UGGT1: variants seen among roughly 807,000 people sequenced by gnomAD.
UGGT1 encodes UDP-glucose:glycoprotein glucosyltransferase 1.
UGGT1 carries 107 observed loss-of-function variants against 203.9 expected under a neutral mutation model. That is an observed-to-expected ratio of 0.52 (90% CI 0.45 to 0.62). The LOEUF (loss-of-function observed/expected upper bound fraction) is 0.62, where lower values mean the gene tolerates loss of function less well. UGGT1 is among the 20% of genes least tolerant of loss of function. The pLI, the probability that UGGT1 is intolerant of heterozygous loss-of-function variation, is 0.00. For synonymous variants in UGGT1, 628 were observed against 653.5 expected, an observed-to-expected ratio of 0.96 and a Z score of 0.59; for missense variants, 1,673 against 1,867.2, an observed-to-expected ratio of 0.90 and a Z score of 1.92.
intron 31 of UGGT1, 30 bp from the exon 32 acceptor site, chr2:128,176,784 T>TTA: frequency 6.3e-7 from 1 of 1,597,084 alleles, no homozygotes; most frequent in Non-Finnish European, 8.6e-7. Flanking sequence ...AATTGTGCCT[T>TTA]GTAATATTGA....
chr2:128,167,014 A>C (rs1488380192), intron 26 of UGGT1, among the ~76,000 whole-genome samples: 1 of 152,110 alleles, frequency 6.6e-6, no homozygotes, highest in Non-Finnish European at 1.5e-5. Context: ...TGTGTGTCCT[A>C]ATTTTTTATG....
At chr2:128,091,440 C>T (rs749861456) in intron 1 of UGGT1, 25 bp downstream of exon 1, 2 of 1,569,644 alleles carry the variant, frequency 1.3e-6, no homozygotes, top group Non-Finnish European at 1.7e-6. Context: ...CGTGAGGAGG[C>T]CTCGTGGACA....
At chr2:128,173,977 AC>A (rs779780040) in intron 30 of UGGT1, 38 bp downstream of exon 30, 4 of 1,601,660 alleles carry the variant, frequency 2.5e-6, no homozygotes, top group East Asian at 2.2e-5. Flanking sequence ...TATTGTAGTT[AC>A]GTTAATTTGG....
rs1254439081 is a variant in UGGT1, at chr2:128,143,111, G to A, written c.1737G>A (p.Arg579=). The change falls in exon 17 of 41, where the codon AGG becomes AGA. Residue 579 remains arginine (R), a synonymous_variant. Coordinates refer to ENST00000259253, the MANE Select transcript of UGGT1 (RefSeq NM_020120.4). ...TTCTTCAGATCTATAACAAGGTGAGGACTGGAGAAAAAGTGAAAGTTGAAC... is the reference window on the plus strand; with the variant it reads ...TTCTTCAGATCTATAACAAGGTGAGAACTGGAGAAAAAGTGAAAGTTGAAC... The part of the protein sequence containing the change: ...QTLTHIYNKV[R]TGEKVKVEHV... 6.2e-7 allele frequency: 1 copy of A among 1,609,664 alleles called. No homozygotes were observed. The highest frequency in any genetic ancestry group is 8.5e-7 in the Non-Finnish European group (1 of 1,177,912).
intron 17 of UGGT1, among the ~76,000 whole-genome samples, chr2:128,144,787 A>C (rs73955946): frequency 6.6e-6 from 1 of 152,204 alleles, no homozygotes; most frequent in East Asian, 1.9e-4. Context: ...GACTCGGATT[A>C]GTTACCCAAT....
intron 13 of UGGT1, among the ~76,000 whole-genome samples, chr2:128,130,176 T>C (rs1178027308): frequency 6.6e-6 from 1 of 151,110 alleles, no homozygotes; most frequent in Non-Finnish European, 1.5e-5. Context: ...GCAGGAGAAT[T>C]GCTTCAACCT....
intron 15 of UGGT1, among the ~76,000 whole-genome samples, chr2:128,137,831 A>G (rs528990117): frequency 1.3e-5 from 2 of 152,342 alleles, no homozygotes; most frequent in Admixed American, 6.5e-5. Flanking sequence ...CCTTTGCCCC[A>G]GTATGTTCAG....
chr2:128,153,264 A>T (rs951810883), intron 19 of UGGT1, among the ~76,000 whole-genome samples: 1 of 152,222 alleles, frequency 6.6e-6, no homozygotes, highest in Non-Finnish European at 1.5e-5. Context: ...TTCTAGAGTC[A>T]GTCAGCCATA....
intron 26 of UGGT1, among the ~76,000 whole-genome samples, chr2:128,165,340 C>T (rs1690734924): frequency 6.6e-6 from 1 of 152,142 alleles, no homozygotes. Context: ...CTGCAGTGAG[C>T]CATGATCTCA....
chr2:128,133,000 T>G, intron 13 of UGGT1, 141 bp from the exon 14 acceptor site: 1 of 1,082,528 alleles, frequency 9.2e-7, no homozygotes, highest in Non-Finnish European at 1.3e-6. Flanking sequence ...AGCCACTCAC[T>G]GCAGCCAATC....
At position 128,129,011 on chromosome 2, in the gene UGGT1, T is replaced by C. The variant is rs1688748440; in HGVS notation, c.1227-18T>C. 1.3e-6 allele frequency: 2 copies of C among 1,540,852 alleles called. No individual in the cohort carries two copies. The highest frequency in any genetic ancestry group is 1.2e-5 in the South Asian group (1 of 80,590). Reference sequence around the variant, plus strand: ...GCTTTTTTTCCTAGTAAATATCTCTTTTTGTTTTTCCCCCCAGTCTGTTTG... The same window carrying C: ...GCTTTTTTTCCTAGTAAATATCTCTCTTTGTTTTTCCCCCCAGTCTGTTTG... On this transcript the variant is annotated intron_variant, in intron 12 of 40. Coordinates refer to ENST00000259253, the MANE Select transcript of UGGT1 (RefSeq NM_020120.4).
At chr2:128,177,985 T>A (rs1174343696) in intron 33 of UGGT1, 65 bp downstream of exon 33, 6 of 1,359,364 alleles carry the variant, frequency 4.4e-6, no homozygotes, top group Non-Finnish European at 5.0e-6. Flanking sequence ...CATCCATCCC[T>A]CCTTTTTGCA....
rs774381300 is a variant in UGGT1 at position 128,189,681 on chromosome 2, A to G, written c.4643-36A>G. Reference sequence around the variant, plus strand: ...CAGTGGTGTTTGTAATTTGAAGATCATCTGTTTTCTTTTCTGTGGTTCTCC... The same window carrying G: ...CAGTGGTGTTTGTAATTTGAAGATCGTCTGTTTTCTTTTCTGTGGTTCTCC... On this transcript the variant is annotated intron_variant, in intron 40 of 40. Coordinates refer to ENST00000259253, the MANE Select transcript of UGGT1 (RefSeq NM_020120.4). The G allele has an allele frequency of 2.1e-5, 34 of 1,602,528 alleles. 1 individual carries two copies. In the South Asian group the frequency reaches 3.5e-4, roughly 16 times the overall value.
At chr2:128,123,041 A>AT (rs1688454523) in intron 10 of UGGT1, 145 bp from the exon 11 acceptor site, 2 of 550,672 alleles carry the variant, frequency 3.6e-6, no homozygotes, top group South Asian at 3.2e-5. Context: ...GGAGAAATAT[A>AT]TTTATCAATT....
intron 38 of UGGT1, 30 bp from the exon 39 acceptor site, chr2:128,186,652 AT>A: frequency 6.5e-7 from 1 of 1,532,454 alleles, no homozygotes; most frequent in Non-Finnish European, 9.0e-7. Flanking sequence ...AGATACATGT[AT>A]TTTATTTTTA....
At chr2:128,098,896 A>G (rs1226377828) in intron 2 of UGGT1, among the ~76,000 whole-genome samples, 1 of 152,184 alleles carries the variant, frequency 6.6e-6, no homozygotes, top group Non-Finnish European at 1.5e-5. Context: ...AGTGTTTGTA[A>G]ATAAATATAA....
rs1691234788 is a variant in UGGT1 at position 128,173,799 on chromosome 2, G to A, written c.3313G>A (p.Ala1105Thr). The change falls in exon 30 of 41, where the codon GCT (alanine) becomes ACT (threonine). Residue 1105 changes from alanine (A) to threonine (T), a missense_variant. Around this residue, in one of 4 missense-constraint regions of UGGT1, gnomAD observed 513 missense variants for 684.1 expected, o/e 0.75. Transcript: ENST00000259253. Reference protein sequence around the residue: ...YLEEVDSVVAAEYELEYLLLE... With the variant: ...YLEEVDSVVATEYELEYLLLE... ...CTTGCAGGTGGACAGTGTAGTGGCT[G>A]CTGAGTATGAGCTGGAATACCTGTT... is the stretch of plus-strand genomic sequence containing the variant. 2 of 1,614,136 alleles carry A rather than the reference G, an allele frequency of 1.2e-6. No individual in the cohort carries two copies. Among genetic ancestry groups the A allele is most frequent in the African/African-American group, 1.3e-5 (1 of 75,022 alleles).
intron 26 of UGGT1, among the ~76,000 whole-genome samples, chr2:128,168,466 T>C (rs576858359): frequency 8.5e-5 from 13 of 152,344 alleles, no homozygotes; most frequent in East Asian, 1.9e-4. Context: ...TTCTTCGTTA[T>C]GCTGTTTTGT....
chr2:128,145,159 G>T (rs947959335), intron 17 of UGGT1, among the ~76,000 whole-genome samples: 1 of 152,128 alleles, frequency 6.6e-6, no homozygotes, highest in African/African-American at 2.4e-5. Context: ...TAATTTCTTT[G>T]TTAGTGATAT....
Sources: allele counts gnomAD v4.1 joint callset (sites outside exome capture counted in the v4.1 genomes callset), GRCh38; gene constraint gnomAD v4.1.1; regional missense constraint gnomAD v4.1.1; transcripts MANE v1.5; gene names NCBI Gene and HGNC (gene_info 2026-07-23, HGNC 2026-07-21).